The following SLIT3 variants were observed in gnomAD, a reference collection of about 807,000 sequenced individuals.
The protein encoded by SLIT3 is slit guidance ligand 3.
SLIT3 carries 68 observed loss-of-function variants against 184.0 expected under a neutral mutation model. The ratio of observed to expected loss-of-function variants is 0.37; its 90% confidence interval spans 0.30 to 0.45. The LOEUF (loss-of-function observed/expected upper bound fraction) is 0.45, where lower values mean the gene tolerates loss of function less well. Among genes scored for constraint, SLIT3 ranks in the 20% least tolerant of loss-of-function variants. The pLI is 1.00. For synonymous variants in SLIT3, 831 were observed against 828.6 expected, an observed-to-expected ratio of 1.00 and a Z score of -0.05; for missense variants, 1,707 against 2,026.0, an observed-to-expected ratio of 0.84 and a Z score of 3.02.
At chr5:168,695,759 G>T (rs1057290813) in intron 28 of SLIT3, among the ~76,000 whole-genome samples, 3 of 152,194 alleles carry the variant, frequency 2.0e-5, no homozygotes, top group African/African-American at 7.2e-5. Context: ...GCTGGGTTAG[G>T]TTCCTTCTGT....
At chr5:168,890,654 T>G (rs1760420491) in intron 4 of SLIT3, among the ~76,000 whole-genome samples, 1 of 152,230 alleles carries the variant, frequency 6.6e-6, no homozygotes, top group Admixed American at 6.5e-5. Context: ...CTCTAAGTTT[T>G]GCTTCAAAAT....
intron 4 of SLIT3, among the ~76,000 whole-genome samples, chr5:168,959,733 C>T (rs1437035548): frequency 5.3e-5 from 8 of 152,140 alleles, no homozygotes; most frequent in Non-Finnish European, 1.5e-5. Context: ...AACTCTTTGT[C>T]TTCCCTCCCA....
chr5:168,793,073 T>A (rs954519601), intron 10 of SLIT3, among the ~76,000 whole-genome samples: 5 of 152,236 alleles, frequency 3.3e-5, no homozygotes. Flanking sequence ...TTCCAAACTT[T>A]GAAAAATTCA....
At chr5:168,933,340 G>A (rs890772558) in intron 4 of SLIT3, among the ~76,000 whole-genome samples, 1 of 152,096 alleles carries the variant, frequency 6.6e-6, no homozygotes, top group Admixed American at 6.5e-5. Flanking sequence ...TCAGGAGATC[G>A]AGACCATCCT....
chr5:169,298,099 A>G (rs929216621), intron 1 of SLIT3, among the ~76,000 whole-genome samples: 3 of 152,140 alleles, frequency 2.0e-5, no homozygotes, highest in African/African-American at 7.2e-5. Context: ...GAAACCCTGC[A>G]GTGAACCTGA....
intron 23 of SLIT3, among the ~76,000 whole-genome samples, chr5:168,721,732 A>T (rs186463583): frequency 6.6e-6 from 1 of 152,214 alleles, no homozygotes; most frequent in African/African-American, 2.4e-5. Context: ...TCTTAAAAAG[A>T]CACTCTATGA....
rs1419312086 is a variant in SLIT3 at position 168,665,964 on chromosome 5, T to TTTCCTTCTCTCTCTTCCTC, written c.*471_*489dup. On this transcript the variant is annotated 3_prime_UTR_variant, in exon 36 of 36. Transcript: ENST00000519560. ...GTTAAAAAACAAGAAACAAAGGTCT[T>TTTCCTTCTCTCTCTTCCTC]TTCCTTCTCTCTCTTCCTCTTATTC... 6.6e-6 allele frequency: 1 copy of TTTCCTTCTCTCTCTTCCTC among 152,236 alleles called. No homozygotes were observed. The highest frequency in any genetic ancestry group is 2.4e-5 in the African/African-American group (1 of 41,444). The allele number at this position is 152,236 out of a possible 1,614,324, so 9.4% of individuals were successfully genotyped here. A position where few individuals can be genotyped will look rare whatever the true frequency, so the allele number is the denominator to read the frequency against.
At chr5:168,720,411 A>G (rs775235817) in intron 23 of SLIT3, 1 of 152,152 alleles carries the variant, frequency 6.6e-6, no homozygotes, top group Non-Finnish European at 1.5e-5. Context: ...ACGGGCAAAC[A>G]TTTTCTCTCC....
intron 4 of SLIT3, among the ~76,000 whole-genome samples, chr5:169,088,176 G>A (rs1394285518): frequency 6.6e-6 from 1 of 152,210 alleles, no homozygotes; most frequent in African/African-American, 2.4e-5. Flanking sequence ...CAAGAAGGAA[G>A]GGACTGAGCA....
chr5:169,069,607 T>G (rs1182951412), intron 4 of SLIT3, among the ~76,000 whole-genome samples: 1 of 152,158 alleles, frequency 6.6e-6, no homozygotes, highest in Non-Finnish European at 1.5e-5. Flanking sequence ...GCACACTCTA[T>G]GTGCGGTAAG....
chr5:168,717,579 A>G (rs1762781759), intron 23 of SLIT3, among the ~76,000 whole-genome samples: 2 of 152,200 alleles, frequency 1.3e-5, no homozygotes, highest in African/African-American at 2.4e-5. Context: ...AGTTAAGCAC[A>G]GCAACTAACC....
intron 1 of SLIT3, among the ~76,000 whole-genome samples, chr5:169,269,616 G>C (rs975769983): frequency 6.6e-6 from 1 of 152,254 alleles, no homozygotes; most frequent in Non-Finnish European, 1.5e-5. Context: ...TGAAGATTTG[G>C]AAAGGAAGAG....
intron 3 of SLIT3, among the ~76,000 whole-genome samples, chr5:169,228,681 C>T (rs970154081): frequency 1.3e-5 from 2 of 152,304 alleles, no homozygotes; most frequent in African/African-American, 4.8e-5. Context: ...TTTTTTAAAA[C>T]ATGAGAATTA....
intron 3 of SLIT3, among the ~76,000 whole-genome samples, chr5:169,228,699 C>T (rs1764893466): frequency 1.3e-5 from 2 of 152,188 alleles, no homozygotes; most frequent in Non-Finnish European, 2.9e-5. Context: ...TTAAAGCATA[C>T]TGGAATGTCT....
chr5:169,163,739 G>A (rs370942537), intron 4 of SLIT3, among the ~76,000 whole-genome samples: 3 of 151,702 alleles, frequency 2.0e-5, no homozygotes, highest in South Asian at 4.2e-4. Context: ...AGAGCATATC[G>A]GGAAATACTA....
intron 4 of SLIT3, among the ~76,000 whole-genome samples, chr5:168,996,199 G>A (rs1755503322): frequency 6.6e-6 from 1 of 152,168 alleles, no homozygotes; most frequent in Admixed American, 6.5e-5. Context: ...TGCCCTTTCA[G>A]AGGGAGAACA....
chr5:168,661,866 G>A lies in SLIT3; in HGVS notation c.*4588C>T, dbSNP rs1264107210. On this transcript the variant is annotated 3_prime_UTR_variant, in exon 36 of 36. Coordinates refer to ENST00000519560, the MANE Select transcript of SLIT3 (RefSeq NM_003062.4). ...GTTATTTATTCCATACTGGGGAAGTGCCACTATAACATTGTTTTAAAAAAT... is the reference window on the plus strand; with the variant it reads ...GTTATTTATTCCATACTGGGGAAGTACCACTATAACATTGTTTTAAAAAAT... The A allele has an allele frequency of 6.6e-6, 1 of 152,160 alleles. No individual in the cohort carries two copies. Among genetic ancestry groups the A allele is most frequent in the Non-Finnish European group, 1.5e-5 (1 of 68,040 alleles). 9.4% of individuals were successfully genotyped at this position (152,160 alleles called of 1,614,324 possible).
chr5:168,987,125 C>T (rs560426404), intron 4 of SLIT3, among the ~76,000 whole-genome samples: 54 of 152,218 alleles, frequency 3.5e-4, no homozygotes, highest in Non-Finnish European at 7.2e-4. Flanking sequence ...GTAGCTCTCT[C>T]TGTTGATCTG....
intron 11 of SLIT3, among the ~76,000 whole-genome samples, chr5:168,788,096 A>C (rs1209606160): frequency 6.6e-6 from 1 of 151,992 alleles, no homozygotes; most frequent in African/African-American, 2.4e-5. Context: ...ACGAGACAGG[A>C]AGCACCTCAC....
Sources: allele counts gnomAD v4.1 joint callset (sites outside exome capture counted in the v4.1 genomes callset), GRCh38; gene constraint gnomAD v4.1.1; transcripts MANE v1.5; gene names NCBI Gene and HGNC (gene_info 2026-07-23, HGNC 2026-07-21).